Variants in LDB2 observed in about 807,000 individuals in gnomAD.
LDB2 encodes LIM domain-binding protein 2.
Under a neutral mutation model 44.3 loss-of-function variants are expected in LDB2, and 12 were observed. The ratio of observed to expected loss-of-function variants is 0.27; its 90% CI spans 0.17 to 0.44. LDB2 has a LOEUF of 0.44. Among genes scored for constraint, LDB2 ranks in the 20% least tolerant of loss-of-function variants. The probability of loss-of-function intolerance (pLI) is 1.00; values close to 1 mark genes in which losing one functional copy is unlikely to be tolerated. For synonymous variants in LDB2, 164 were observed against 174.8 expected (o/e 0.94, Z 0.49); for missense variants, 344 against 473.5 (o/e 0.73, Z 2.54).
At chr4:16,529,025 T>C (rs933373038) in intron 5 of LDB2, among the ~76,000 whole-genome samples, 1 of 152,120 alleles carries the variant, frequency 6.6e-6, no homozygotes, top group East Asian at 1.9e-4. Flanking sequence ...ACTATAAAAC[T>C]CTTTTAGAAG....
chr4:16,504,116 A>C (rs1718416540), intron 7 of LDB2, among the ~76,000 whole-genome samples: 1 of 152,064 alleles, frequency 6.6e-6, no homozygotes, highest in Admixed American at 6.5e-5. Context: ...TGGAGATGAG[A>C]GGGTGGGGTT....
intron 1 of LDB2, among the ~76,000 whole-genome samples, chr4:16,800,280 A>G (rs1007464919): frequency 7.9e-5 from 12 of 152,202 alleles, no homozygotes; most frequent in African/African-American, 2.9e-4. Context: ...AATAATGTAA[A>G]TAATTCTTGT....
At chr4:16,565,176 T>C (rs1401641273) in intron 5 of LDB2, among the ~76,000 whole-genome samples, 2 of 152,194 alleles carry the variant, frequency 1.3e-5, no homozygotes, top group Non-Finnish European at 2.9e-5. Context: ...TTACTGGCTA[T>C]CTGGTCTTGC....
At chr4:16,888,212 T>TCCAGCC (rs932534399) in intron 1 of LDB2, among the ~76,000 whole-genome samples, 13 of 152,194 alleles carry the variant, frequency 8.5e-5, no homozygotes, top group Non-Finnish European at 1.8e-4. Context: ...GTGTGTGCTC[T>TCCAGCC]CCAGCCCTCT....
At chr4:16,695,356 C>A (rs1389893476) in intron 2 of LDB2, among the ~76,000 whole-genome samples, 6 of 151,830 alleles carry the variant, frequency 4.0e-5, no homozygotes, top group Non-Finnish European at 8.8e-5. Context: ...CATGGTGAAA[C>A]CCTGTCTCTA....
At chr4:16,590,657 G>A (rs547238777) in intron 3 of LDB2, among the ~76,000 whole-genome samples, 12 of 152,282 alleles carry the variant, frequency 7.9e-5, no homozygotes, top group Admixed American at 3.9e-4. Flanking sequence ...TGCCATCTTC[G>A]TCTTATCAAA....
At chr4:16,757,845 A>G (rs1261972259) in intron 2 of LDB2, among the ~76,000 whole-genome samples, 3 of 152,154 alleles carry the variant, frequency 2.0e-5, no homozygotes, top group African/African-American at 4.8e-5. Flanking sequence ...AAGTAGGCTT[A>G]TCAGTGTTTA....
intron 2 of LDB2, among the ~76,000 whole-genome samples, chr4:16,730,982 C>A (rs1323343757): frequency 6.6e-6 from 1 of 152,138 alleles, no homozygotes; most frequent in East Asian, 1.9e-4. Flanking sequence ...AAGGGAAAAA[C>A]AGAGTTAGGA....
At chr4:16,752,079 C>T (rs991913408) in intron 2 of LDB2, among the ~76,000 whole-genome samples, 5 of 152,182 alleles carry the variant, frequency 3.3e-5, no homozygotes, top group African/African-American at 1.2e-4. Context: ...GAGACAACGA[C>T]ATTTATGTTT....
chr4:16,764,295 A>T (rs1226256860), intron 1 of LDB2, among the ~76,000 whole-genome samples: 2 of 152,134 alleles, frequency 1.3e-5, no homozygotes, highest in African/African-American at 4.8e-5. Flanking sequence ...AATCTTTTGG[A>T]ACACTTCTTG....
At chr4:16,562,831 G>A (rs1742911152) in intron 5 of LDB2, among the ~76,000 whole-genome samples, 1 of 152,192 alleles carries the variant, frequency 6.6e-6, no homozygotes, top group Non-Finnish European at 1.5e-5. Context: ...GTCCAACAAT[G>A]ATAGACTGGA....
intron 2 of LDB2, among the ~76,000 whole-genome samples, chr4:16,655,102 G>A (rs936910800): frequency 6.6e-6 from 1 of 152,146 alleles, no homozygotes; most frequent in African/African-American, 2.4e-5. Context: ...TTCTCCCCAT[G>A]CAGAAATCTG....
At chr4:16,654,714 T>A (rs34502405) in intron 2 of LDB2, among the ~76,000 whole-genome samples, 93,596 of 152,016 alleles carry the variant, frequency 0.62, 28,915 homozygotes, top group Middle Eastern at 0.7. Context: ...TGTGAAAGAA[T>A]AGGGCATTTT....
At chr4:16,702,239 T>C (rs1447189927) in intron 2 of LDB2, among the ~76,000 whole-genome samples, 2 of 152,248 alleles carry the variant, frequency 1.3e-5, no homozygotes, top group East Asian at 3.8e-4. Context: ...GCTTTGAGTT[T>C]CAGATACTTT....
At chr4:16,761,067 G>C (rs1203666513) in intron 1 of LDB2, among the ~76,000 whole-genome samples, 2 of 148,784 alleles carry the variant, frequency 1.3e-5, no homozygotes, top group Non-Finnish European at 3.0e-5. Context: ...GCTTTGTTTT[G>C]CTTGCTACTT....
chr4:16,508,513 C>A, intron 7 of LDB2, 22 bp downstream of exon 7: 1 of 1,533,776 alleles, frequency 6.5e-7, no homozygotes, highest in Non-Finnish European at 8.8e-7. Flanking sequence ...GATTTCGGGC[C>A]TAAGAGGAAA....
chr4:16,819,869 T>C (rs922826438), intron 1 of LDB2, among the ~76,000 whole-genome samples: 3 of 152,352 alleles, frequency 2.0e-5, no homozygotes, highest in African/African-American at 4.8e-5. Context: ...TTTGGAAGTA[T>C]TAAGAGTCAA....
chr4:16,646,079 C>T (rs1256970025), intron 2 of LDB2, among the ~76,000 whole-genome samples: 1 of 152,142 alleles, frequency 6.6e-6, no homozygotes, highest in Non-Finnish European at 1.5e-5. Flanking sequence ...ACGAAGTAAC[C>T]AAGCATTTGA....
intron 2 of LDB2, among the ~76,000 whole-genome samples, chr4:16,695,605 AT>A (rs977037701): frequency 6.6e-6 from 1 of 152,132 alleles, no homozygotes; most frequent in Non-Finnish European, 1.5e-5. Context: ...GGGATTGTCA[AT>A]TTTTTTCTGT....
Sources: gnomAD v4.1 joint callset for allele counts (sites outside exome capture counted in the v4.1 genomes callset) on GRCh38, gnomAD v4.1.1 for gene constraint, MANE v1.5 for transcripts, NCBI Gene and HGNC (gene_info 2026-07-23, HGNC 2026-07-21) for gene names.